The following PPP1R14C variants were observed in gnomAD, a reference collection of about 807,000 sequenced individuals.
PPP1R14C encodes protein phosphatase 1 regulatory subunit 14C.
Under a neutral mutation model 20.4 loss-of-function variants are expected in PPP1R14C, and 16 were observed. The observed-to-expected ratio is 0.78, with a 90% CI of 0.53 to 1.19. The LOEUF is 1.19. Among genes scored for constraint, PPP1R14C ranks in the 50% most tolerant of loss-of-function variants. PPP1R14C has a pLI of 0.00. For missense variants in PPP1R14C, 211 were observed against 220.1 expected (o/e 0.96, Z 0.26); for synonymous variants, 91 against 91.0 (o/e 1.00, Z 0.00).
intron 3 of PPP1R14C, among the ~76,000 whole-genome samples, chr6:150,231,173 T>G (rs534259794): frequency 5.6e-4 from 85 of 152,240 alleles, no homozygotes; most frequent in African/African-American, 2.0e-3. Context: ...GACCTTGTGT[T>G]TTCATGGCCG....
chr6:150,187,617 G>T (rs1777693559), intron 1 of PPP1R14C, among the ~76,000 whole-genome samples: 1 of 152,094 alleles, frequency 6.6e-6, no homozygotes, highest in African/African-American at 2.4e-5. Context: ...TTCTGCAGAG[G>T]ACATGATCTC....
chr6:150,149,870 G>A (rs1253223486), intron 1 of PPP1R14C, among the ~76,000 whole-genome samples: 1 of 152,196 alleles, frequency 6.6e-6, no homozygotes, highest in Non-Finnish European at 1.5e-5. Context: ...GTTTGAACTT[G>A]AACATGGGCA....
intron 1 of PPP1R14C, among the ~76,000 whole-genome samples, chr6:150,159,309 G>A (rs1777339253): frequency 6.6e-6 from 1 of 152,210 alleles, no homozygotes; most frequent in Non-Finnish European, 1.5e-5. Flanking sequence ...TCTTCAGCCA[G>A]ATTTGACAGA....
At chr6:150,196,584 T>C (rs1194871930) in intron 1 of PPP1R14C, among the ~76,000 whole-genome samples, 1 of 152,178 alleles carries the variant, frequency 6.6e-6, no homozygotes, top group Non-Finnish European at 1.5e-5. Flanking sequence ...TAACACCTCT[T>C]TCTGGGAATG....
At chr6:150,180,544 G>A (rs2114878278) in intron 1 of PPP1R14C, among the ~76,000 whole-genome samples, 1 of 152,332 alleles carries the variant, frequency 6.6e-6, no homozygotes, top group South Asian at 2.1e-4. Context: ...CATTATATAA[G>A]GAACTCTGCA....
chr6:150,205,152 T>A (rs1582917448), intron 1 of PPP1R14C, among the ~76,000 whole-genome samples: 1 of 152,018 alleles, frequency 6.6e-6, no homozygotes. Context: ...ACTTCCCTGG[T>A]GGGTGGGAAA....
At chr6:150,169,897 G>A (rs998892578) in intron 1 of PPP1R14C, among the ~76,000 whole-genome samples, 1 of 152,200 alleles carries the variant, frequency 6.6e-6, no homozygotes, top group Non-Finnish European at 1.5e-5. Flanking sequence ...TTTTCAACAT[G>A]ACTTACTCTG....
At chr6:150,150,404 C>T (rs542305202) in intron 1 of PPP1R14C, among the ~76,000 whole-genome samples, 2 of 152,212 alleles carry the variant, frequency 1.3e-5, no homozygotes, top group African/African-American at 4.8e-5. Flanking sequence ...TAACGTGCCC[C>T]TGCTACACTA....
At chr6:150,209,297 T>A (rs945889732) in intron 1 of PPP1R14C, among the ~76,000 whole-genome samples, 1 of 152,248 alleles carries the variant, frequency 6.6e-6, no homozygotes, top group Admixed American at 6.5e-5. Flanking sequence ...GCTTGAACAT[T>A]CCTGCCTGCT....
At chr6:150,176,205 C>T (rs1334681484) in intron 1 of PPP1R14C, among the ~76,000 whole-genome samples, 11 of 152,210 alleles carry the variant, frequency 7.2e-5, no homozygotes, top group East Asian at 1.9e-4. Context: ...ACCTAGGCAG[C>T]GCTTGGAGCC....
At chr6:150,246,764 G>C (rs1778497642) in intron 3 of PPP1R14C, among the ~76,000 whole-genome samples, 1 of 152,148 alleles carries the variant, frequency 6.6e-6, no homozygotes, top group Non-Finnish European at 1.5e-5. Flanking sequence ...AATATCCAGT[G>C]GTGGGAGGAA....
chr6:150,205,889 T>A lies in PPP1R14C; in HGVS notation c.307-8855T>A, dbSNP rs192705597. Reference sequence around the variant, plus strand: ...CAGTGTCATCTCTTCCCAGCTTATTTCTGTGGCCTCTTAACTGGTCTTTTC... The same window carrying A: ...CAGTGTCATCTCTTCCCAGCTTATTACTGTGGCCTCTTAACTGGTCTTTTC... On this transcript the variant is annotated intron_variant, in intron 1 of 3. Coordinates refer to ENST00000361131, the MANE Select transcript of PPP1R14C (RefSeq NM_030949.3). 3.3e-5 allele frequency among the ~76,000 whole-genome samples: 5 copies of A among 152,340 alleles called. No homozygotes were observed. The East Asian group carries it at 9.6e-4, about 29-fold the overall frequency.
chr6:150,160,462 A>G (rs904864527), intron 1 of PPP1R14C, among the ~76,000 whole-genome samples: 1 of 147,924 alleles, frequency 6.8e-6, no homozygotes, highest in African/African-American at 2.5e-5. Context: ...TTTAGTAGAG[A>G]TGGGGTTTCA....
intron 3 of PPP1R14C, 110 bp from the exon 4 acceptor site, chr6:150,248,636 A>G: frequency 1.4e-6 from 1 of 694,988 alleles, no homozygotes. Flanking sequence ...ACATTCAACC[A>G]AATTCATCAA....
rs148808712 is a variant in PPP1R14C, at chr6:150,150,620, G to A, written c.306+7122G>A. Among the ~76,000 whole-genome samples the A allele has an allele frequency of 8.1e-4, 124 of 152,226 alleles. 1 individual carries two copies. In the Middle Eastern group the frequency reaches 0.044, roughly 54 times the overall value. Reference sequence around the variant, plus strand: ...CATGTGGCACATGCTTTGGCCACATGGTTTACTTTGTAGTGCATGCTCTTG... The same window carrying A: ...CATGTGGCACATGCTTTGGCCACATAGTTTACTTTGTAGTGCATGCTCTTG... On this transcript the variant is annotated intron_variant, in intron 1 of 3. Coordinates refer to ENST00000361131, the MANE Select transcript of PPP1R14C (RefSeq NM_030949.3).
In PPP1R14C at chr6:150,143,228, C is replaced by G. The variant is rs1390083696; in HGVS notation, c.36C>G (p.Gly12=). 1 of 1,371,454 alleles carries G rather than the reference C, an allele frequency of 7.3e-7. No homozygotes were observed. Among genetic ancestry groups the G allele is most frequent in the African/African-American group, 1.5e-5 (1 of 64,892 alleles). 85.0% of individuals were successfully genotyped at this position (1,371,454 alleles called of 1,614,324 possible). Residue 12 remains glycine (G), a synonymous_variant, in exon 1 of 4, where the codon GGC becomes GGG. Coordinates refer to ENST00000361131, the MANE Select transcript of PPP1R14C (RefSeq NM_030949.3). This position sits in a 1 kb window ranked among gnomAD's most constrained non-coding sequence, Gnocchi z 5.6. ...CGACGGGCAGCAGCGAGACGGCCGG[C>G]GGGGCCAGCGGCGGCGGCGCACGGG... ...SVATGSSETA[G]GASGGGARVF...
intron 3 of PPP1R14C, among the ~76,000 whole-genome samples, chr6:150,238,884 T>C (rs1409559031): frequency 6.6e-6 from 1 of 152,176 alleles, no homozygotes; most frequent in Non-Finnish European, 1.5e-5. Flanking sequence ...CTCTACTACA[T>C]TGGATTAAAT....
Position 150,201,944 on chromosome 6 carries a change from C to T in PPP1R14C, c.307-12800C>T, listed in dbSNP as rs910124225. 1.3e-5 allele frequency among the ~76,000 whole-genome samples: 2 copies of T among 152,100 alleles called. No individual in the cohort carries two copies. Among genetic ancestry groups the T allele is most frequent in the Non-Finnish European group, 2.9e-5 (2 of 68,030 alleles). ...TGCATAAACATGCATTACAGGTAAA[C>T]GATTATGGTAATAATTTACAAAGAA... is the stretch of plus-strand genomic sequence containing the variant. On this transcript the variant is annotated intron_variant, in intron 1 of 3. Transcript: ENST00000361131. This position sits in a 1 kb window ranked among gnomAD's most constrained non-coding sequence, Gnocchi z 4.2.
At chr6:150,210,229 C>T (rs573713095) in intron 1 of PPP1R14C, among the ~76,000 whole-genome samples, 3 of 152,238 alleles carry the variant, frequency 2.0e-5, no homozygotes, top group Admixed American at 2.0e-4. Flanking sequence ...GCCAAGCCTA[C>T]ACTGTGTGTT....
Sources: gnomAD v4.1 joint callset for allele counts (sites outside exome capture counted in the v4.1 genomes callset) on GRCh38, gnomAD v4.1.1 for gene constraint, Gnocchi (gnomAD v3.1) non-coding constraint, MANE v1.5 for transcripts, NCBI Gene and HGNC (gene_info 2026-07-23, HGNC 2026-07-21) for gene names.